Variants in RFX3 observed in about 807,000 individuals in gnomAD.
The protein encoded by RFX3 is regulatory factor X3, also known as transcription factor RFX3.
In RFX3, 14 loss-of-function variants were observed where a neutral mutation model predicts 98.6. The ratio of observed to expected loss-of-function variants is 0.14; its 90% CI spans 0.09 to 0.22. The LOEUF (loss-of-function observed/expected upper bound fraction) is 0.22, where lower values mean the gene tolerates loss of function less well. RFX3 is among the 10% of genes least tolerant of loss of function. RFX3 has a pLI of 1.00. For missense variants in RFX3, 639 were observed against 926.9 expected (o/e 0.69, Z 4.03); for synonymous variants, 383 against 328.4 (o/e 1.17, Z -1.80).
At position 3,218,981 on chromosome 9, in the gene RFX3, A is replaced by G. The variant is rs1817208067; in HGVS notation, c.*6061T>C. ...AGAAGGTACGAAAGCCCTGAGTGATAGTGAAGTTACTGATTGGTAAGCACT... is the reference window on the plus strand; with the variant it reads ...AGAAGGTACGAAAGCCCTGAGTGATGGTGAAGTTACTGATTGGTAAGCACT... On this transcript the variant is annotated 3_prime_UTR_variant, in exon 17 of 17. Transcript: ENST00000617270. 1 of 152,156 alleles carries G rather than the reference A, an allele frequency of 6.6e-6. No homozygotes were observed. 9.4% of individuals were successfully genotyped at this position (152,156 alleles called of 1,614,324 possible).
At chr9:3,321,568 AT>A (rs1359053517) in intron 4 of RFX3, among the ~76,000 whole-genome samples, 1 of 152,136 alleles carries the variant, frequency 6.6e-6, no homozygotes, top group East Asian at 1.9e-4. Flanking sequence ...TTTCTGATGA[AT>A]TTGTAAGAGT....
rs766173552 is a variant in RFX3, at chr9:3,225,121, A to G, written c.2171T>C (p.Ile724Thr). 6.2e-7 allele frequency: 1 copy of G among 1,613,952 alleles called. No homozygotes were observed. The change falls in exon 17 of 17, where the codon ATT (isoleucine) becomes ACT (threonine). Residue 724 changes from isoleucine to threonine, a missense_variant. Coordinates refer to ENST00000617270, the MANE Select transcript of RFX3 (RefSeq NM_001282116.2). ...TGVQPSLLNPIHSEHIVTSTQ... is the reference protein window; with the variant it reads ...TGVQPSLLNPTHSEHIVTSTQ... Reference sequence around the variant, plus strand: ...ACTTGTGACAATGTGCTCGCTGTGAATTGGATTCAGGAGGCTTGGTTGCAC... The same window carrying G: ...ACTTGTGACAATGTGCTCGCTGTGAGTTGGATTCAGGAGGCTTGGTTGCAC...
At chr9:3,324,333 G>A (rs1831645998) in intron 4 of RFX3, among the ~76,000 whole-genome samples, 1 of 151,976 alleles carries the variant, frequency 6.6e-6, no homozygotes, top group Non-Finnish European at 1.5e-5. Flanking sequence ...CTTCATATAT[G>A]ATAATTAAAC....
intron 1 of RFX3, among the ~76,000 whole-genome samples, chr9:3,429,245 A>G (rs576756244): frequency 6.6e-6 from 1 of 150,752 alleles, no homozygotes; most frequent in East Asian, 1.9e-4. Flanking sequence ...GATGGTCTCG[A>G]TCTCCTGACC....
intron 1 of RFX3, among the ~76,000 whole-genome samples, chr9:3,462,386 G>C (rs916193606): frequency 6.6e-6 from 1 of 151,948 alleles, no homozygotes; most frequent in Non-Finnish European, 1.5e-5. Flanking sequence ...GGCAATTGAA[G>C]AGAATTTCCT....
chr9:3,374,565 A>G lies in RFX3; in HGVS notation c.117+20907T>C, dbSNP rs183335624. 6.0e-3 allele frequency among the ~76,000 whole-genome samples: 907 copies of G among 152,336 alleles called. 5 individuals carry two copies. The highest frequency in any genetic ancestry group is 0.021 in the African/African-American group (856 of 41,572). On this transcript the variant is annotated intron_variant, in intron 2 of 16. Transcript: ENST00000617270. ...AGGAAATTCTGATACATGCTACAAC[A>G]CGGATGAACTTTGAGGACATTTCGC...
chr9:3,424,640 G>A (rs879344934), intron 1 of RFX3, among the ~76,000 whole-genome samples: 1 of 151,976 alleles, frequency 6.6e-6, no homozygotes, highest in African/African-American at 2.4e-5. Context: ...GATTACAGGC[G>A]TGAGCCACCG....
At chr9:3,370,411 G>C (rs1837707637) in intron 2 of RFX3, among the ~76,000 whole-genome samples, 1 of 151,706 alleles carries the variant, frequency 6.6e-6, no homozygotes, top group African/African-American at 2.4e-5. Context: ...GTTCAAAACA[G>C]TCTTCAATAA....
At chr9:3,449,885 A>G (rs949925002) in intron 1 of RFX3, among the ~76,000 whole-genome samples, 2 of 150,422 alleles carry the variant, frequency 1.3e-5, no homozygotes, top group African/African-American at 5.0e-5. Flanking sequence ...AAAAAAGAAA[A>G]GAAAAAAAAA....
chr9:3,242,971 T>C lies in RFX3; in HGVS notation c.1968+5061A>G, dbSNP rs970810337. ...ATTTAATAGATTATTAAAAGGTTTG[T>C]AACAAAATCATTTTATGAAGCAATC... On this transcript the variant is annotated intron_variant, in intron 15 of 16. Transcript: ENST00000617270. Among the ~76,000 whole-genome samples, 6 of 152,060 alleles carry C rather than the reference T, an allele frequency of 3.9e-5. 1 individual carries two copies. Among genetic ancestry groups the C allele is most frequent in the Middle Eastern group, 6.8e-3 (2 of 294 alleles).
intron 2 of RFX3, among the ~76,000 whole-genome samples, chr9:3,366,711 T>TTTC (rs1837203824): frequency 7.4e-6 from 1 of 134,340 alleles, no homozygotes; most frequent in Non-Finnish European, 1.6e-5. Flanking sequence ...TCTTTCTTTC[T>TTTC]TTCTTTCTTT....
chr9:3,504,873 T>TATATAATATTATATATAAC (rs1816659610), intron 1 of RFX3, among the ~76,000 whole-genome samples: 1 of 48,820 alleles, frequency 2.0e-5, no homozygotes, highest in African/African-American at 1.1e-4. Context: ...ATATATATTA[T>TATATAATATTATATATAAC]ATATATTATA....
At chr9:3,524,875 ACAC>A (rs1819085529) in intron 1 of RFX3, among the ~76,000 whole-genome samples, 1 of 97,382 alleles carries the variant, frequency 1.0e-5, no homozygotes, top group Middle Eastern at 4.8e-3. Flanking sequence ...ACACACACAC[ACAC>A]CAAAGAAGAG....
chr9:3,443,028 T>C (rs1845734570), intron 1 of RFX3, among the ~76,000 whole-genome samples: 1 of 151,962 alleles, frequency 6.6e-6, no homozygotes, highest in Admixed American at 6.6e-5. Flanking sequence ...AACTCAATAA[T>C]AAACAACCTG....
intron 1 of RFX3, among the ~76,000 whole-genome samples, chr9:3,505,310 A>AAAATATTTTTATT (rs1413699264): frequency 5.4e-4 from 55 of 102,140 alleles, no homozygotes; most frequent in Middle Eastern, 0.013. Flanking sequence ...ATATATAAAT[A>AAAATATTTTTATT]TATATTAATG....
chr9:3,285,482 TC>T (rs1172247161), intron 7 of RFX3, among the ~76,000 whole-genome samples: 1 of 151,712 alleles, frequency 6.6e-6, no homozygotes. Flanking sequence ...TTCTTTCCTG[TC>T]TAAATATTTC....
intron 15 of RFX3, among the ~76,000 whole-genome samples, chr9:3,229,156 T>G (rs1392978448): frequency 1.3e-5 from 2 of 152,198 alleles, no homozygotes; most frequent in African/African-American, 4.8e-5. Flanking sequence ...TTACCTTTTA[T>G]TATTTCAACT....
At chr9:3,228,809 T>C (rs769487339) in intron 16 of RFX3, 38 bp downstream of exon 16, 3 of 1,549,332 alleles carry the variant, frequency 1.9e-6, no homozygotes, top group South Asian at 1.2e-5. Flanking sequence ...TATTAATAAA[T>C]AAAAGTTCTT....
At chr9:3,321,006 G>C (rs1243861849) in intron 4 of RFX3, among the ~76,000 whole-genome samples, 1 of 151,436 alleles carries the variant, frequency 6.6e-6, no homozygotes, top group Non-Finnish European at 1.5e-5. Flanking sequence ...GGTTCAAAGC[G>C]ATTCTCCTGC....
Sources: gnomAD v4.1 joint callset for allele counts (sites outside exome capture counted in the v4.1 genomes callset) on GRCh38, gnomAD v4.1.1 for gene constraint, MANE v1.5 for transcripts, NCBI Gene and HGNC (gene_info 2026-07-23, HGNC 2026-07-21) for gene names.